XRCC4: variants seen among roughly 807,000 people sequenced by gnomAD.
The protein encoded by XRCC4 is X-ray repair cross complementing 4.
In XRCC4, 28 loss-of-function variants were observed where a neutral mutation model predicts 39.1. The observed-to-expected ratio is 0.72, with a 90% CI of 0.53 to 0.98. The LOEUF (loss-of-function observed/expected upper bound fraction) is 0.98, where lower values mean the gene tolerates loss of function less well. Ranked by LOEUF, XRCC4 falls within the 50% of genes least tolerant of loss-of-function variation. The pLI, the probability that XRCC4 is intolerant of heterozygous loss-of-function variation, is 0.00. For missense variants in XRCC4, 350 were observed against 376.4 expected (o/e 0.93, Z 0.58); for synonymous variants, 123 against 126.4 (o/e 0.97, Z 0.18).
intron 1 of XRCC4, among the ~76,000 whole-genome samples, chr5:83,087,695 G>A (rs1160105646): frequency 6.6e-6 from 1 of 151,976 alleles, no homozygotes; most frequent in South Asian, 2.1e-4. Flanking sequence ...CCTGGTCATA[G>A]CGTGTTCATT....
intron 7 of XRCC4, chr5:83,280,432 A>G: frequency 1.5e-6 from 1 of 672,256 alleles, no homozygotes; most frequent in Non-Finnish European, 2.7e-6. Flanking sequence ...TGGTGCCGCA[A>G]TTTTGAAGAA....
At chr5:83,136,435 C>G (rs1407976900) in intron 3 of XRCC4, among the ~76,000 whole-genome samples, 3 of 152,134 alleles carry the variant, frequency 2.0e-5, no homozygotes, top group African/African-American at 7.2e-5. Flanking sequence ...AAAGAATTAT[C>G]CGGGTACTTG....
intron 3 of XRCC4, among the ~76,000 whole-genome samples, chr5:83,166,630 ATT>A (rs549500319): frequency 1.7e-4 from 23 of 135,060 alleles, no homozygotes; most frequent in East Asian, 4.4e-4. Flanking sequence ...CGCCTAGCTA[ATT>A]TTTTTTTTTT....
chr5:83,106,268 A>G (rs1386882482), intron 2 of XRCC4, among the ~76,000 whole-genome samples: 1 of 152,122 alleles, frequency 6.6e-6, no homozygotes, highest in Non-Finnish European at 1.5e-5. Context: ...GGCTAAAGAC[A>G]AGGGCAATAG....
At chr5:83,267,747 TTTTTG>T (rs1306767471) in intron 7 of XRCC4, among the ~76,000 whole-genome samples, 67 of 152,152 alleles carry the variant, frequency 4.4e-4, no homozygotes, top group African/African-American at 1.6e-3. Flanking sequence ...TGGTGGTTTG[TTTTTG>T]TTTTGTTCTC....
intron 7 of XRCC4, among the ~76,000 whole-genome samples, chr5:83,344,415 CTTT>C (rs70973394): frequency 1.1e-3 from 127 of 115,224 alleles, no homozygotes; most frequent in African/African-American, 4.2e-3. Flanking sequence ...TTATTTTTCA[CTTT>C]TTTTTTTTTT....
chr5:83,252,560 G>A (rs1276469191), intron 6 of XRCC4, among the ~76,000 whole-genome samples: 1 of 151,744 alleles, frequency 6.6e-6, no homozygotes. Flanking sequence ...ATACCTTAAT[G>A]ATGATATTGG....
chr5:83,239,288 A>G (rs943595894), intron 6 of XRCC4, among the ~76,000 whole-genome samples: 7 of 152,350 alleles, frequency 4.6e-5, no homozygotes, highest in African/African-American at 1.7e-4. Context: ...AAGTGTTAAC[A>G]TGGTACTTTG....
intron 6 of XRCC4, among the ~76,000 whole-genome samples, chr5:83,221,082 A>G (rs1319648027): frequency 1.3e-5 from 2 of 152,110 alleles, no homozygotes; most frequent in African/African-American, 4.8e-5. Context: ...TGACCCTTGG[A>G]GGAAGATAAT....
chr5:83,168,025 C>A (rs570625547), intron 3 of XRCC4, among the ~76,000 whole-genome samples: 2 of 151,846 alleles, frequency 1.3e-5, no homozygotes, highest in African/African-American at 4.8e-5. Context: ...GGAAAATAAA[C>A]GCAGAAAATA....
rs536018922 is a variant in XRCC4, at chr5:83,151,223, A to G, written c.315+40020A>G. On this transcript the variant is annotated intron_variant, in intron 3 of 7. Coordinates refer to ENST00000396027, the MANE Select transcript of XRCC4 (RefSeq NM_003401.5). ...CTGAACTCCATGAATCACATAAATC[A>G]TAAATATGACAGTATTTTCTTCATA... Among the ~76,000 whole-genome samples the G allele has an allele frequency of 9.9e-5, 15 of 152,284 alleles. No individual in the cohort carries two copies. In the South Asian group the frequency reaches 2.1e-3, roughly 21 times the overall value.
chr5:83,215,729 A>C (rs1007831961), intron 6 of XRCC4, among the ~76,000 whole-genome samples: 17 of 152,226 alleles, frequency 1.1e-4, no homozygotes, highest in African/African-American at 3.9e-4. Flanking sequence ...TGGGGAAAGG[A>C]TAGTCTTTTA....
At chr5:83,345,682 T>C (rs924748391) in intron 7 of XRCC4, among the ~76,000 whole-genome samples, 3 of 152,162 alleles carry the variant, frequency 2.0e-5, no homozygotes, top group Admixed American at 6.6e-5. Context: ...ATGCTTCTCG[T>C]TTGAATAGGA....
chr5:83,309,429 T>C (rs1340478883), intron 7 of XRCC4, among the ~76,000 whole-genome samples: 1 of 150,770 alleles, frequency 6.6e-6, no homozygotes. Flanking sequence ...GAATGTGGTT[T>C]CCATATGCTT....
chr5:83,299,055 T>C (rs1755187896), intron 7 of XRCC4, among the ~76,000 whole-genome samples: 1 of 152,084 alleles, frequency 6.6e-6, no homozygotes, highest in African/African-American at 2.4e-5. Context: ...AGCCTTATTA[T>C]CCTAGATTAT....
At chr5:83,102,729 A>G (rs913725130) in intron 1 of XRCC4, among the ~76,000 whole-genome samples, 11 of 152,048 alleles carry the variant, frequency 7.2e-5, no homozygotes, top group Non-Finnish European at 1.3e-4. Context: ...ATGCTGTCAC[A>G]TGGCAGAAGC....
chr5:83,322,656 A>T (rs946279936), intron 7 of XRCC4, among the ~76,000 whole-genome samples: 1 of 152,192 alleles, frequency 6.6e-6, no homozygotes, highest in African/African-American at 2.4e-5. Flanking sequence ...AGATCTTTAT[A>T]AGAGGGAGGC....
chr5:83,374,180 T>C, the XRCC4 span, among the ~76,000 whole-genome samples: 3 of 152,186 alleles, frequency 2.0e-5, no homozygotes, highest in Non-Finnish European at 2.9e-5. Context: ...GATTTGGCTG[T>C]GTCCTGACCC....
At chr5:83,251,188 T>A (rs904805117) in intron 6 of XRCC4, among the ~76,000 whole-genome samples, 5 of 152,132 alleles carry the variant, frequency 3.3e-5, no homozygotes, top group African/African-American at 1.2e-4. Flanking sequence ...ATTCTTAAGG[T>A]CTGAAGAACT....
Sources: gnomAD v4.1 joint callset for allele counts (sites outside exome capture counted in the v4.1 genomes callset) on GRCh38, gnomAD v4.1.1 for gene constraint, MANE v1.5 for transcripts, NCBI Gene and HGNC (gene_info 2026-07-23, HGNC 2026-07-21) for gene names.